ANKRD33B: variants seen among roughly 807,000 people sequenced by gnomAD.
ANKRD33B encodes the protein ankyrin repeat domain-containing protein 33B.
ANKRD33B carries 6 observed loss-of-function variants against 21.5 expected under a neutral mutation model. The observed-to-expected ratio is 0.28, with a 90% CI of 0.15 to 0.55. The LOEUF is 0.55. Ranked by LOEUF, ANKRD33B falls within the 20% of genes least tolerant of loss-of-function variation. The pLI, the probability that ANKRD33B is intolerant of heterozygous loss-of-function variation, is 0.94. For missense variants in ANKRD33B, 698 were observed against 747.2 expected, an observed-to-expected ratio of 0.93 and a Z score of 0.77; for synonymous variants, 347 against 342.4, an observed-to-expected ratio of 1.01 and a Z score of -0.15.
intron 1 of ANKRD33B, among the ~76,000 whole-genome samples, chr5:10,583,166 T>C (rs1735480302): frequency 6.6e-6 from 1 of 151,986 alleles, no homozygotes. Flanking sequence ...CTGGGTAATT[T>C]TTTTGTATTG....
chr5:10,620,747 C>T (rs1107176), intron 2 of ANKRD33B, among the ~76,000 whole-genome samples: 14,462 of 152,142 alleles, frequency 0.095, 1,923 homozygotes, highest in African/African-American at 0.3. Flanking sequence ...CTTGGTGTGT[C>T]CTATCAGGAC....
intron 1 of ANKRD33B, among the ~76,000 whole-genome samples, chr5:10,589,072 T>A: frequency 6.6e-6 from 1 of 152,124 alleles, no homozygotes; most frequent in East Asian, 1.9e-4. Context: ...CTTGACCACA[T>A]TACTTCTGCT....
intron 2 of ANKRD33B, among the ~76,000 whole-genome samples, chr5:10,636,512 G>T (rs1322202665): frequency 6.6e-6 from 1 of 152,190 alleles, no homozygotes; most frequent in Admixed American, 6.5e-5. Context: ...AGCTACTTGG[G>T]AGGCTGAGGA....
chr5:10,595,819 C>T (rs976791759), intron 1 of ANKRD33B, among the ~76,000 whole-genome samples: 15 of 152,178 alleles, frequency 9.9e-5, no homozygotes, highest in Admixed American at 8.5e-4. Flanking sequence ...TGGATGATTA[C>T]GACTCTGGAA....
rs1736339409 is a variant in ANKRD33B at position 10,618,471 on chromosome 5, T to C, written c.496+9T>C. On this transcript the variant is annotated intron_variant, in intron 2 of 3. Transcript: ENST00000296657. ...CACAGCTGCACAGGCAGGTAAGAGC[T>C]GGCTTTCCCCTTTCCTCTCAGAGCC... 3 of 1,522,028 alleles carry C rather than the reference T, an allele frequency of 2.0e-6. No individual in the cohort carries two copies. Among genetic ancestry groups the C allele is most frequent in the Non-Finnish European group, 1.8e-6 (2 of 1,138,122 alleles). 94.3% of individuals were successfully genotyped at this position (1,522,028 alleles called of 1,614,324 possible). A position where few individuals can be genotyped will look rare whatever the true frequency, so the allele number is the denominator to read the frequency against.
intron 1 of ANKRD33B, among the ~76,000 whole-genome samples, chr5:10,579,643 A>C (rs554456091): frequency 5.9e-5 from 9 of 152,288 alleles, no homozygotes; most frequent in African/African-American, 2.2e-4. Flanking sequence ...CTTATGATTT[A>C]AAAAATTAAA....
At chr5:10,617,689 C>G (rs6870995) in intron 1 of ANKRD33B, among the ~76,000 whole-genome samples, 141,154 of 152,210 alleles carry the variant, frequency 0.93, 65,562 homozygotes, top group Middle Eastern at 0.97. Flanking sequence ...GGTCCCCAGG[C>G]CCCTGTCCAC....
At chr5:10,584,396 A>C (rs1011168591) in intron 1 of ANKRD33B, among the ~76,000 whole-genome samples, 2 of 152,158 alleles carry the variant, frequency 1.3e-5, no homozygotes, top group Middle Eastern at 6.8e-3. Flanking sequence ...AAATGCAAAA[A>C]TTAGCCAGAT....
At chr5:10,591,379 A>G (rs1320504439) in intron 1 of ANKRD33B, among the ~76,000 whole-genome samples, 2 of 151,950 alleles carry the variant, frequency 1.3e-5, no homozygotes, top group Non-Finnish European at 2.9e-5. Flanking sequence ...TACTTTTGGT[A>G]GAGACAGGAT....
chr5:10,631,770 T>C (rs2126593934), intron 2 of ANKRD33B, among the ~76,000 whole-genome samples: 1 of 152,264 alleles, frequency 6.6e-6, no homozygotes, highest in Middle Eastern at 3.4e-3. Context: ...GATCTGAGGG[T>C]GGAGTTTTCA....
At chr5:10,612,574 A>T (rs1243722564) in intron 1 of ANKRD33B, among the ~76,000 whole-genome samples, 1 of 152,248 alleles carries the variant, frequency 6.6e-6, no homozygotes, top group Admixed American at 6.5e-5. Flanking sequence ...GTCAGTCTTC[A>T]TTCACGCTGC....
In ANKRD33B at chr5:10,655,437, C is replaced by T. The variant is rs1265925400; in HGVS notation, c.*5324C>T. The T allele has an allele frequency of 6.6e-6, 1 of 152,438 alleles. No individual in the cohort carries two copies. Among genetic ancestry groups the T allele is most frequent in the Non-Finnish European group, 1.5e-5 (1 of 68,092 alleles). The allele number at this position is 152,438 out of a possible 1,614,324, so 9.4% of individuals were successfully genotyped here. On this transcript the variant is annotated 3_prime_UTR_variant, in exon 4 of 4. Transcript: ENST00000296657. ...CAAGAGCACTACACTCCCCCCAGCC[C>T]CACCGGCCACACTACATGACGTGGG...
At chr5:10,582,786 G>A (rs375826890) in intron 1 of ANKRD33B, among the ~76,000 whole-genome samples, 59 of 152,254 alleles carry the variant, frequency 3.9e-4, no homozygotes, top group African/African-American at 6.3e-4. Context: ...CTCCTTTGCC[G>A]CATGGCTTCC....
intron 1 of ANKRD33B, among the ~76,000 whole-genome samples, chr5:10,601,272 G>C (rs1179352530): frequency 6.6e-6 from 1 of 152,170 alleles, no homozygotes; most frequent in Non-Finnish European, 1.5e-5. Context: ...ACCCTGCGTG[G>C]TTCTCCACCA....
At chr5:10,580,157 A>G (rs1044668273) in intron 1 of ANKRD33B, among the ~76,000 whole-genome samples, 1 of 152,242 alleles carries the variant, frequency 6.6e-6, no homozygotes, top group African/African-American at 2.4e-5. Context: ...AGTGGCTGCC[A>G]CATGCAAGAC....
intron 2 of ANKRD33B, among the ~76,000 whole-genome samples, chr5:10,633,637 G>A (rs922759886): frequency 6.6e-6 from 1 of 152,154 alleles, no homozygotes; most frequent in Admixed American, 6.5e-5. Flanking sequence ...TTTTTCTGTT[G>A]CAGGATCGCA....
At position 10,654,250 on chromosome 5, in the gene ANKRD33B, C is replaced by T. The variant is rs2126616035; in HGVS notation, c.*4137C>T. ...CCTACACGGCTGTGCCTCTCCCACC[C>T]CGTCCTCTTTGCTCGGAAGGGAGAC... On this transcript the variant is annotated 3_prime_UTR_variant, in exon 4 of 4. Transcript: ENST00000296657. 1 of 152,532 alleles carries T rather than the reference C, an allele frequency of 6.6e-6. No homozygotes were observed. Among genetic ancestry groups the T allele is most frequent in the South Asian group, 2.1e-4 (1 of 4,824 alleles). 9.4% of individuals were successfully genotyped at this position (152,532 alleles called of 1,614,324 possible).
Position 10,649,766 on chromosome 5 carries a change from G to A in ANKRD33B, c.1138G>A (p.Glu380Lys). The change falls in exon 4 of 4, where the codon GAG (glutamate) becomes AAG (lysine). Residue 380 changes from glutamate (E) to lysine (K), a missense_variant. This residue lies in a region of ANKRD33B where 543 missense variants were observed against 566.5 expected (regional missense o/e 0.96). Coordinates refer to ENST00000296657, the MANE Select transcript of ANKRD33B (RefSeq NM_001164440.2). ...CGGACAGGAGGACGCGGACTCCCGG[G>A]AGGGCTCCCCGAGAGCCGGCCTCCC... is the stretch of plus-strand genomic sequence containing the variant. ...RTGQEDADSR[E>K]GSPRAGLPPA... 1 of 1,414,738 alleles carries A rather than the reference G, an allele frequency of 7.1e-7. No individual in the cohort carries two copies. Among genetic ancestry groups the A allele is most frequent in the African/African-American group, 1.5e-5 (1 of 66,360 alleles). The allele number at this position is 1,414,738 out of a possible 1,614,324, so 87.6% of individuals were successfully genotyped here. A position where few individuals can be genotyped will look rare whatever the true frequency, so the allele number is the denominator to read the frequency against.
In ANKRD33B at chr5:10,618,385, TAGC is replaced by T; in HGVS notation, c.422_424del (p.Ala141del). The T allele has an allele frequency of 2.0e-6, 3 of 1,537,776 alleles. No homozygotes were observed. The highest frequency in any genetic ancestry group is 2.6e-6 in the Non-Finnish European group (3 of 1,147,002). ...GGCTTTGTGGATACCGTGGTGGCCT[TAGC>T]AGAGTGCCCCCACGTTGACGTCAAC... On this transcript the variant is annotated inframe_deletion, in exon 2 of 4. Transcript: ENST00000296657.
Sources: allele counts gnomAD v4.1 joint callset (sites outside exome capture counted in the v4.1 genomes callset), GRCh38; gene constraint gnomAD v4.1.1; regional missense constraint gnomAD v4.1.1; transcripts MANE v1.5; gene names NCBI Gene and HGNC (gene_info 2026-07-23, HGNC 2026-07-21).